SAMMSON: variants seen among roughly 807,000 people sequenced by gnomAD.
The protein encoded by SAMMSON is survival associated mitochondrial melanoma specific oncogenic non-coding RNA, also known as long intergenic non-protein coding RNA 1212.
chr3:70,297,158 C>A (rs919316281), intron 7 of SAMMSON, among the ~76,000 whole-genome samples: 1 of 152,016 alleles, frequency 6.6e-6, no homozygotes, highest in Non-Finnish European at 1.5e-5. Context: ...ATGCACAGTA[C>A]ACTGCTTGTC....
chr3:70,242,686 G>A (rs1027890872), intron 4 of SAMMSON, among the ~76,000 whole-genome samples: 11 of 152,084 alleles, frequency 7.2e-5, no homozygotes, highest in Non-Finnish European at 1.0e-4. Context: ...TATATCTATC[G>A]AAGATAGCAA....
At chr3:70,218,068 C>T (rs944878173) in intron 4 of SAMMSON, among the ~76,000 whole-genome samples, 2 of 152,046 alleles carry the variant, frequency 1.3e-5, no homozygotes, top group Admixed American at 6.6e-5. Flanking sequence ...CTCTGTGTGC[C>T]CAATGAACTA....
intron 6 of SAMMSON, among the ~76,000 whole-genome samples, chr3:70,276,797 C>T (rs1323568307): frequency 6.6e-6 from 1 of 152,104 alleles, no homozygotes; most frequent in East Asian, 1.9e-4. Flanking sequence ...ACTACATGGC[C>T]CACTAAGCCA....
At chr3:70,070,153 G>T (rs1277065837) in intron 3 of SAMMSON, 1 of 151,978 alleles carries the variant, frequency 6.6e-6, no homozygotes, top group Non-Finnish European at 1.5e-5. Context: ...TTATTTTGAA[G>T]TAATTGTAGG....
chr3:70,184,705 A>T (rs561707629), intron 4 of SAMMSON, among the ~76,000 whole-genome samples: 1 of 152,348 alleles, frequency 6.6e-6, no homozygotes, highest in African/African-American at 2.4e-5. Flanking sequence ...TTGGAGTCTC[A>T]GTTCCCATTG....
Position 70,224,222 on chromosome 3 carries a change from G to A in SAMMSON, n.508-24885G>A, listed in dbSNP as rs75165627. 6.8e-3 allele frequency among the ~76,000 whole-genome samples: 1,042 copies of A among 152,288 alleles called. 9 individuals are homozygous for A. Among genetic ancestry groups the A allele is most frequent in the Non-Finnish European group, 0.012 (804 of 68,022 alleles). On this transcript the variant is annotated intron_variant and non_coding_transcript_variant, in intron 4 of 9. Transcript: ENST00000642114. ...TTTCTTCTCAGTTTATAAGTAGGCT[G>A]ATTCGAAGTCCCAGCCAAGGTTTCT...
At position 70,045,142 on chromosome 3, in the gene SAMMSON, T is replaced by A. The variant is rs561583832; in HGVS notation, n.418-26334T>A. 9.3e-4 allele frequency among the ~76,000 whole-genome samples: 122 copies of A among 130,828 alleles called. 1 individual carries two copies. The East Asian group carries it at 0.02, about 21-fold the overall frequency. 85.8% of individuals were successfully genotyped at this position (130,828 alleles called of 152,430 possible). On this transcript the variant is annotated intron_variant and non_coding_transcript_variant, in intron 3 of 9. Transcript: ENST00000642114. Reference sequence around the variant, plus strand: ...ATATTAATTATAATATATTATAATTTATATATATTAATTATAATATATTAT... The same window carrying A: ...ATATTAATTATAATATATTATAATTAATATATATTAATTATAATATATTAT...
At chr3:70,351,138 A>C (rs1702792501) in intron 7 of SAMMSON, among the ~76,000 whole-genome samples, 1 of 152,130 alleles carries the variant, frequency 6.6e-6, no homozygotes, top group Non-Finnish European at 1.5e-5. Context: ...TTCACAGATA[A>C]AGAAATATTC....
intron 4 of SAMMSON, chr3:70,172,993 T>C (rs909821260): frequency 6.6e-6 from 1 of 151,990 alleles, no homozygotes; most frequent in Non-Finnish European, 1.5e-5. Context: ...CTACTCTTAA[T>C]CGTTTGCTTC....
intron 2 of SAMMSON, among the ~76,000 whole-genome samples, chr3:70,400,893 C>CT (rs1701134823): frequency 6.6e-6 from 1 of 152,120 alleles, no homozygotes; most frequent in South Asian, 2.1e-4. Context: ...GATCACACCA[C>CT]TGCACTCCAG....
chr3:70,148,487 G>C (rs1342687270), intron 4 of SAMMSON, among the ~76,000 whole-genome samples: 2 of 152,072 alleles, frequency 1.3e-5, no homozygotes, highest in Non-Finnish European at 2.9e-5. Context: ...ACCTGAGACT[G>C]AGTAATTTAT....
chr3:70,430,568 C>T (rs1701405851), intron 2 of SAMMSON, among the ~76,000 whole-genome samples: 1 of 152,008 alleles, frequency 6.6e-6, no homozygotes, highest in African/African-American at 2.4e-5. Flanking sequence ...ATGCAGAAGA[C>T]CATATCTGGA....
intron 2 of SAMMSON, among the ~76,000 whole-genome samples, chr3:70,404,205 G>T (rs897643697): frequency 4.0e-5 from 6 of 151,854 alleles, no homozygotes; most frequent in Non-Finnish European, 7.4e-5. Flanking sequence ...CTAATGATAT[G>T]CATATCATTA....
intron 4 of SAMMSON, among the ~76,000 whole-genome samples, chr3:70,215,201 A>G (rs558302263): frequency 6.6e-6 from 1 of 152,274 alleles, no homozygotes; most frequent in Non-Finnish European, 1.5e-5. Context: ...TCATTATTAC[A>G]TGAATGAGGA....
chr3:70,193,558 A>T (rs1421347422), intron 4 of SAMMSON, among the ~76,000 whole-genome samples: 1 of 152,000 alleles, frequency 6.6e-6, no homozygotes, highest in Non-Finnish European at 1.5e-5. Flanking sequence ...AATTTGTTTG[A>T]CTCTATTCAC....
chr3:70,070,466 G>C (rs2067225556), intron 3 of SAMMSON: 1 of 151,564 alleles, frequency 6.6e-6, no homozygotes, highest in Non-Finnish European at 1.5e-5. Context: ...CTATCATTTT[G>C]TTGTATGGTA....
chr3:70,366,894 C>T (rs1051104692), intron 9 of SAMMSON, among the ~76,000 whole-genome samples: 1 of 151,426 alleles, frequency 6.6e-6, no homozygotes, highest in Non-Finnish European at 1.5e-5. Flanking sequence ...TGTTTCTTTT[C>T]ATTGTTTTAA....
intron 7 of SAMMSON, among the ~76,000 whole-genome samples, chr3:70,346,806 G>A (rs1008688808): frequency 2.0e-5 from 3 of 152,132 alleles, no homozygotes; most frequent in African/African-American, 7.2e-5. Flanking sequence ...CATTACAAAT[G>A]TAATGTTAGT....
intron 7 of SAMMSON, among the ~76,000 whole-genome samples, chr3:70,293,045 CAAAAAAAAAA>C (rs55990203): frequency 0.017 from 1,256 of 74,786 alleles, 27 homozygotes; most frequent in African/African-American, 0.047. Flanking sequence ...TGGTTTGAAG[CAAAAAAAAAA>C]AAAAAAAAAA....
Sources: gnomAD v4.1 joint callset for allele counts (sites outside exome capture counted in the v4.1 genomes callset) on GRCh38, gnomAD v4.1.1 for gene constraint, MANE v1.5 for transcripts, NCBI Gene and HGNC (gene_info 2026-07-23, HGNC 2026-07-21) for gene names.